The following MAGI2 variants were observed in gnomAD, a reference collection of about 807,000 sequenced individuals.
MAGI2 encodes membrane-associated guanylate kinase, WW and PDZ domain-containing protein 2.
A neutral mutation model predicts 133.3 loss-of-function variants in MAGI2; 35 were observed. The ratio of observed to expected loss-of-function variants is 0.26; its 90% confidence interval spans 0.20 to 0.35. MAGI2 has a LOEUF of 0.35. Among genes scored for constraint, MAGI2 ranks in the 10% least tolerant of loss-of-function variants. MAGI2 has a pLI of 1.00. For missense variants in MAGI2, 1,636 were observed against 1,863.4 expected (o/e 0.88, Z 2.25); for synonymous variants, 729 against 710.6 (o/e 1.03, Z -0.41).
chr7:78,529,668 G>GTT (rs554010061), intron 3 of MAGI2, among the ~76,000 whole-genome samples: 1,773 of 57,306 alleles, frequency 0.031, 444 homozygotes, highest in Middle Eastern at 0.057. Context: ...AAAGGAGATG[G>GTT]TTTTTTTTTT....
chr7:79,331,978 T>C (rs183143601), intron 1 of MAGI2, among the ~76,000 whole-genome samples: 5 of 152,166 alleles, frequency 3.3e-5, no homozygotes, highest in East Asian at 1.9e-4. Context: ...ATTCCTTTTC[T>C]CTTTGGAAAT....
intron 3 of MAGI2, among the ~76,000 whole-genome samples, chr7:78,581,251 G>C (rs529367895): frequency 2.0e-5 from 3 of 152,278 alleles, no homozygotes; most frequent in African/African-American, 7.2e-5. Context: ...CTCCCCTCAA[G>C]GGTGTCTGGC....
chr7:78,570,382 G>A (rs76877826), intron 3 of MAGI2, among the ~76,000 whole-genome samples: 2,478 of 152,256 alleles, frequency 0.016, 24 homozygotes, highest in Middle Eastern at 0.061. Flanking sequence ...TCCTAAAGTA[G>A]CGTGGGGAAC....
intron 1 of MAGI2, among the ~76,000 whole-genome samples, chr7:79,019,574 T>G (rs1303942073): frequency 1.3e-5 from 2 of 151,768 alleles, no homozygotes; most frequent in African/African-American, 4.8e-5. Flanking sequence ...TGAGATGGAG[T>G]CTTGCTCTGT....
At chr7:78,397,455 T>C (rs1448613614) in intron 6 of MAGI2, among the ~76,000 whole-genome samples, 3 of 151,954 alleles carry the variant, frequency 2.0e-5, no homozygotes, top group Non-Finnish European at 4.4e-5. Context: ...TTGCTTGTAA[T>C]GCCTCATGTG....
chr7:78,685,294 C>T (rs1816156015), intron 2 of MAGI2, among the ~76,000 whole-genome samples: 1 of 152,144 alleles, frequency 6.6e-6, no homozygotes, highest in Non-Finnish European at 1.5e-5. Context: ...TGATTTCTGT[C>T]CCAGTGTATA....
rs530745919 is a variant in MAGI2, at chr7:78,380,335, A to G, written c.1046-11122T>C. On this transcript the variant is annotated intron_variant, in intron 6 of 21. Transcript: ENST00000354212. ...ATAGTAAAAATAGCCAAGATTTGGA[A>G]ACAACCTTAAGTGTCTATCAACAGA... 7.2e-5 allele frequency among the ~76,000 whole-genome samples: 11 copies of G among 152,284 alleles called. No individual in the cohort carries two copies. The South Asian group carries it at 2.3e-3, about 32-fold the overall frequency.
chr7:78,930,093 C>T (rs997647464), intron 2 of MAGI2, among the ~76,000 whole-genome samples: 2 of 151,990 alleles, frequency 1.3e-5, no homozygotes, highest in Non-Finnish European at 2.9e-5. Flanking sequence ...ATAAGTAAAG[C>T]TATGTGTTAA....
At chr7:78,273,672 T>G (rs986917144) in intron 9 of MAGI2, among the ~76,000 whole-genome samples, 11 of 152,170 alleles carry the variant, frequency 7.2e-5, no homozygotes, top group Non-Finnish European at 2.9e-5. Context: ...CTTCTCGCTT[T>G]TTTTCATTGA....
At chr7:78,801,651 A>G (rs1341115887) in intron 2 of MAGI2, among the ~76,000 whole-genome samples, 2 of 152,194 alleles carry the variant, frequency 1.3e-5, no homozygotes, top group African/African-American at 4.8e-5. Context: ...TCACTTAAAA[A>G]TTGTAAAATT....
chr7:78,486,986 G>T, intron 6 of MAGI2: 1 of 525,216 alleles, frequency 1.9e-6, no homozygotes. Flanking sequence ...TCCCTGATCT[G>T]ATTCAGAAGA....
chr7:79,066,510 G>T (rs1814347734), intron 1 of MAGI2, among the ~76,000 whole-genome samples: 1 of 152,004 alleles, frequency 6.6e-6, no homozygotes, highest in Non-Finnish European at 1.5e-5. Context: ...CTCCCATTCT[G>T]TAGGTTGCCT....
chr7:79,257,487 A>G (rs1833773751), intron 1 of MAGI2, among the ~76,000 whole-genome samples: 1 of 152,224 alleles, frequency 6.6e-6, no homozygotes, highest in African/African-American at 2.4e-5. Context: ...TATTAGATCC[A>G]AATACCCTAA....
intron 1 of MAGI2, among the ~76,000 whole-genome samples, chr7:79,198,519 T>C (rs1471166266): frequency 2.0e-5 from 3 of 152,058 alleles, no homozygotes; most frequent in African/African-American, 4.8e-5. Flanking sequence ...ATTACAATAC[T>C]GATCCTAAGA....
chr7:79,281,502 C>T (rs750800815), intron 1 of MAGI2, among the ~76,000 whole-genome samples: 1 of 149,598 alleles, frequency 6.7e-6, no homozygotes, highest in African/African-American at 2.4e-5. Context: ...ATATTAAAAA[C>T]AAAGCCAAAA....
chr7:79,290,689 C>T (rs1442950163), intron 1 of MAGI2, among the ~76,000 whole-genome samples: 1 of 151,940 alleles, frequency 6.6e-6, no homozygotes, highest in East Asian at 1.9e-4. Flanking sequence ...TACTTTTCCA[C>T]GATATGGTTC....
Position 78,019,750 on chromosome 7 carries a change from C to T in MAGI2, c.3933G>A (p.Gly1311=). ...GACTCGCCGAGCGCTCCCTCTGCTC[C>T]CCGAGGCGCTGCTTCTTCTGGCCGC... The part of the protein sequence containing the change: ...SACGQKKQRL[G]EQRERSASPQ... Residue 1311 remains glycine, a synonymous_variant, in exon 22 of 22, where the codon GGG becomes GGA. Coordinates refer to ENST00000354212, the MANE Select transcript of MAGI2 (RefSeq NM_012301.4). 6.2e-7 allele frequency: 1 copy of T among 1,611,946 alleles called. No individual in the cohort carries two copies. Among genetic ancestry groups the T allele is most frequent in the Non-Finnish European group, 8.5e-7 (1 of 1,179,598 alleles).
intron 20 of MAGI2, among the ~76,000 whole-genome samples, chr7:78,092,959 C>G (rs1334930972): frequency 2.0e-5 from 3 of 151,724 alleles, no homozygotes; most frequent in Non-Finnish European, 4.4e-5. Context: ...CAGGGAAACC[C>G]CGTCTCTACT....
At chr7:78,656,796 C>T (rs1490492714) in intron 2 of MAGI2, among the ~76,000 whole-genome samples, 3 of 151,568 alleles carry the variant, frequency 2.0e-5, no homozygotes, top group Admixed American at 1.3e-4. Context: ...ATTTTATTTG[C>T]CAATTATACT....
Sources: gnomAD v4.1 joint callset for allele counts (sites outside exome capture counted in the v4.1 genomes callset) on GRCh38, gnomAD v4.1.1 for gene constraint, MANE v1.5 for transcripts, NCBI Gene and HGNC (gene_info 2026-07-23, HGNC 2026-07-21) for gene names.